Variants in TXNRD1 observed in about 807,000 individuals in gnomAD.
TXNRD1 encodes thioredoxin reductase 1.
In TXNRD1, 57 loss-of-function variants were observed where a neutral mutation model predicts 80.3. The ratio of observed to expected loss-of-function variants is 0.71; its 90% CI spans 0.57 to 0.89. The LOEUF (loss-of-function observed/expected upper bound fraction) is 0.89. TXNRD1 is among the 40% of genes least tolerant of loss of function. The probability of loss-of-function intolerance (pLI) is 0.00; values close to 1 mark genes in which losing one functional copy is unlikely to be tolerated. For synonymous variants in TXNRD1, 291 were observed against 285.2 expected (o/e 1.02, Z -0.20); for missense variants, 730 against 803.0 (o/e 0.91, Z 1.10).
intron 1 of TXNRD1, among the ~76,000 whole-genome samples, chr12:104,232,180 T>C (rs1404797582): frequency 1.3e-5 from 2 of 152,204 alleles, no homozygotes; most frequent in African/African-American, 4.8e-5. Flanking sequence ...AGCCCAGCCA[T>C]GGGATTGTAT....
intron 7 of TXNRD1, among the ~76,000 whole-genome samples, chr12:104,317,301 A>G (rs1357450944): frequency 6.6e-6 from 1 of 151,504 alleles, no homozygotes; most frequent in Admixed American, 6.6e-5. Context: ...AGCTTCCTGC[A>G]GCCTTCCCTA....
At chr12:104,236,676 C>A (rs754663845) in intron 1 of TXNRD1, among the ~76,000 whole-genome samples, 1 of 151,314 alleles carries the variant, frequency 6.6e-6, no homozygotes, top group Non-Finnish European at 1.5e-5. Context: ...GTAATCCCAG[C>A]TACTTGGGAG....
chr12:104,325,265 TGGAAG>T, intron 10 of TXNRD1, 67 bp from the exon 11 acceptor site: 2 of 1,191,318 alleles, frequency 1.7e-6, no homozygotes, highest in Non-Finnish European at 2.5e-6. Context: ...GTTAACCAGA[TGGAAG>T]GGGAAGGTAG....
At chr12:104,226,215 A>G (rs1469463792) in intron 1 of TXNRD1, among the ~76,000 whole-genome samples, 1 of 152,122 alleles carries the variant, frequency 6.6e-6, no homozygotes, top group Non-Finnish European at 1.5e-5. Flanking sequence ...AAAACAAAAA[A>G]AGAAAAAGAA....
At chr12:104,336,645 G>C (rs2036149763) in intron 15 of TXNRD1, among the ~76,000 whole-genome samples, 2 of 152,234 alleles carry the variant, frequency 1.3e-5, no homozygotes, top group South Asian at 4.1e-4. Context: ...CATTTTTGCT[G>C]TATTTGTTTC....
intron 4 of TXNRD1, chr12:104,303,770 C>T (rs536979538): frequency 2.5e-6 from 3 of 1,203,358 alleles, no homozygotes; most frequent in Non-Finnish European, 3.3e-6. Context: ...TAACTGCCGC[C>T]ACTTTCCACA....
chr12:104,321,416 C>G, intron 10 of TXNRD1, 100 bp downstream of exon 10: 1 of 932,056 alleles, frequency 1.1e-6, no homozygotes, highest in Admixed American at 2.2e-5. Flanking sequence ...GCATTATAAA[C>G]CATCAGGAAT....
chr12:104,339,455 G>C (rs1041091498), intron 16 of TXNRD1, 182 bp downstream of exon 16: 4 of 834,984 alleles, frequency 4.8e-6, no homozygotes, highest in Non-Finnish European at 8.2e-6. Context: ...ATGAACTGGA[G>C]GCTTCCGTCA....
intron 4 of TXNRD1, chr12:104,304,478 C>G: frequency 1.2e-6 from 2 of 1,613,960 alleles, no homozygotes; most frequent in African/African-American, 1.3e-5. Flanking sequence ...ACGTTCTGCA[C>G]CAAAGCCCCG....
chr12:104,340,444 G>C (rs560142588), intron 16 of TXNRD1, among the ~76,000 whole-genome samples: 2 of 152,188 alleles, frequency 1.3e-5, no homozygotes, highest in Non-Finnish European at 2.9e-5. Context: ...AAAAATAGCA[G>C]ATATTTCCTC....
chr12:104,325,321 T>C lies in TXNRD1; in HGVS notation c.1216-16T>C. On this transcript the variant is annotated splice_polypyrimidine_tract_variant and intron_variant, in intron 10 of 16. Transcript: ENST00000525566. ...AAATGTCTTTATTTCACAGTAAAACTTTATCACTCTTACAGGTTGAACAAA... is the reference window on the plus strand; with the variant it reads ...AAATGTCTTTATTTCACAGTAAAACCTTATCACTCTTACAGGTTGAACAAA... 1 of 1,598,866 alleles carries C rather than the reference T, an allele frequency of 6.3e-7. No homozygotes were observed. Among genetic ancestry groups the C allele is most frequent in the Non-Finnish European group, 8.6e-7 (1 of 1,168,204 alleles).
intron 4 of TXNRD1, chr12:104,303,899 T>C: frequency 6.5e-7 from 1 of 1,544,440 alleles, no homozygotes; most frequent in Non-Finnish European, 8.7e-7. Context: ...CGGTAGCGAG[T>C]ACGCGGCGAA....
rs535332199 is a variant in TXNRD1, at chr12:104,343,265, C to T, written c.1881+3992C>T. Among the ~76,000 whole-genome samples the T allele has an allele frequency of 2.3e-3, 343 of 152,158 alleles. 1 individual carries two copies. Among genetic ancestry groups the T allele is most frequent in the African/African-American group, 8.0e-3 (332 of 41,492 alleles). On this transcript the variant is annotated intron_variant, in intron 16 of 16. Coordinates refer to ENST00000525566, the MANE Select transcript of TXNRD1 (RefSeq NM_001093771.3). ...CATGGTAACCCAGCCTGGTCATGGCCGAGCTGGGATTCAAACCCAGGCAGC... is the reference window on the plus strand; with the variant it reads ...CATGGTAACCCAGCCTGGTCATGGCTGAGCTGGGATTCAAACCCAGGCAGC...
At chr12:104,312,649 A>G (rs1401286913) in intron 5 of TXNRD1, among the ~76,000 whole-genome samples, 2 of 152,220 alleles carry the variant, frequency 1.3e-5, no homozygotes, top group Non-Finnish European at 1.5e-5. Flanking sequence ...ATTCTGCAAA[A>G]CAAACTTCTA....
At chr12:104,267,192 TTAA>T (rs1354933793) in intron 3 of TXNRD1, among the ~76,000 whole-genome samples, 2 of 148,574 alleles carry the variant, frequency 1.3e-5, no homozygotes, top group Non-Finnish European at 3.0e-5. Context: ...AATATAATAA[TTAA>T]TAATAATAGG....
intron 7 of TXNRD1, among the ~76,000 whole-genome samples, chr12:104,316,452 C>T (rs901591590): frequency 6.6e-6 from 1 of 152,138 alleles, no homozygotes; most frequent in East Asian, 1.9e-4. Flanking sequence ...TGCAGTGGCA[C>T]GATCTCAGCT....
intron 1 of TXNRD1, among the ~76,000 whole-genome samples, chr12:104,241,499 T>C (rs2032864757): frequency 6.6e-6 from 1 of 152,030 alleles, no homozygotes; most frequent in African/African-American, 2.4e-5. Flanking sequence ...GCCTCCCAAG[T>C]AGCTGGGATT....
intron 6 of TXNRD1, among the ~76,000 whole-genome samples, chr12:104,314,439 G>A (rs1378050597): frequency 6.6e-6 from 1 of 152,120 alleles, no homozygotes; most frequent in Non-Finnish European, 1.5e-5. Flanking sequence ...ACTGCTCTTG[G>A]TACTAGGTAT....
chr12:104,247,103 G>T (rs7972034), intron 1 of TXNRD1, among the ~76,000 whole-genome samples: 138,348 of 152,190 alleles, frequency 0.91, 63,128 homozygotes, highest in African/African-American at 0.98. Context: ...AGAGTCTCAC[G>T]GTCGCCCAGG....
Sources: gnomAD v4.1 joint callset for allele counts (sites outside exome capture counted in the v4.1 genomes callset) on GRCh38, gnomAD v4.1.1 for gene constraint, MANE v1.5 for transcripts, NCBI Gene and HGNC (gene_info 2026-07-23, HGNC 2026-07-21) for gene names.